The following FSTL4 variants were observed in gnomAD, a reference collection of about 807,000 sequenced individuals.
FSTL4 encodes the protein follistatin like 4.
In FSTL4, 28 loss-of-function variants were observed where a neutral mutation model predicts 78.2. That is an observed-to-expected ratio of 0.36 (90% CI 0.27 to 0.49). The LOEUF (loss-of-function observed/expected upper bound fraction) is 0.49. FSTL4 is among the 20% of genes least tolerant of loss of function. The probability of loss-of-function intolerance (pLI) is 0.98; values close to 1 mark genes in which losing one functional copy is unlikely to be tolerated. For synonymous variants in FSTL4, 422 were observed against 440.5 expected, an observed-to-expected ratio of 0.96 and a Z score of 0.53; for missense variants, 922 against 1,084.9, an observed-to-expected ratio of 0.85 and a Z score of 2.11.
At chr5:133,294,372 C>T (rs961221574) in intron 6 of FSTL4, among the ~76,000 whole-genome samples, 1 of 152,158 alleles carries the variant, frequency 6.6e-6, no homozygotes, top group African/African-American at 2.4e-5. Flanking sequence ...GCCTCCGTTC[C>T]TCTTCTGTAA....
At chr5:133,437,395 C>T (rs899637327) in intron 3 of FSTL4, among the ~76,000 whole-genome samples, 2 of 151,270 alleles carry the variant, frequency 1.3e-5, no homozygotes, top group African/African-American at 4.9e-5. Flanking sequence ...CACAGGATTG[C>T]TCATTTAATC....
In FSTL4 at chr5:133,199,776, C is replaced by T; in HGVS notation, c.1848G>A (p.Lys616=). The T allele has an allele frequency of 6.4e-7, 1 of 1,554,562 alleles. No individual in the cohort carries two copies. Among genetic ancestry groups the T allele is most frequent in the Admixed American group, 1.9e-5 (1 of 51,812 alleles). Residue 616 remains lysine (K), a synonymous_variant, in exon 16 of 16, where the codon AAG becomes AAA. Transcript: ENST00000265342. The surrounding 1 kb of genome is among the most constrained non-coding windows in gnomAD (Gnocchi z 4.4). ...CCACCTTGTGGACTGCAGGATCAGACTTGTTGAAGATGAAGCCAAACCTGG... is the reference window on the plus strand; with the variant it reads ...CCACCTTGTGGACTGCAGGATCAGATTTGTTGAAGATGAAGCCAAACCTGG... ...NHIRFGFIFN[K]SDPAVHKVDL... is the part of the protein sequence containing the mutation.
rs1268360062 is a variant in FSTL4 at position 133,338,920 on chromosome 5, T to C, written c.410-22268A>G. Reference sequence around the variant, plus strand: ...ACCTCTGCTGTAGTTCAGGAAGCCATTAACACCCCCGGATGACCACTATGC... The same window carrying C: ...ACCTCTGCTGTAGTTCAGGAAGCCACTAACACCCCCGGATGACCACTATGC... On this transcript the variant is annotated intron_variant, in intron 4 of 15. Coordinates refer to ENST00000265342, the MANE Select transcript of FSTL4 (RefSeq NM_015082.2). This position sits in a 1 kb window ranked among gnomAD's most constrained non-coding sequence, Gnocchi z 4.0. 6.6e-6 allele frequency among the ~76,000 whole-genome samples: 1 copy of C among 152,048 alleles called. No homozygotes were observed. The highest frequency in any genetic ancestry group is 2.4e-5 in the African/African-American group (1 of 41,394).
chr5:133,456,820 G>A (rs1757503160), intron 3 of FSTL4, among the ~76,000 whole-genome samples: 1 of 152,220 alleles, frequency 6.6e-6, no homozygotes, highest in African/African-American at 2.4e-5. Context: ...TCTGTGACAT[G>A]AATGGTTCTG....
chr5:133,594,520 C>T (rs1010630499), intron 2 of FSTL4, among the ~76,000 whole-genome samples: 1 of 152,160 alleles, frequency 6.6e-6, no homozygotes, highest in Admixed American at 6.5e-5. Flanking sequence ...TCTTCAAATG[C>T]TAATATGAGA....
At chr5:133,504,628 C>T (rs986612943) in intron 3 of FSTL4, among the ~76,000 whole-genome samples, 2 of 152,202 alleles carry the variant, frequency 1.3e-5, no homozygotes, top group African/African-American at 4.8e-5. Flanking sequence ...TACTGCATTA[C>T]CTTGTCCCAT....
At chr5:133,799,540 A>G in the FSTL4 span, among the ~76,000 whole-genome samples, 2 of 138,496 alleles carry the variant, frequency 1.4e-5, 1 homozygote, top group African/African-American at 5.3e-5. Context: ...CACGCTAGGT[A>G]CAGGGCTCTG....
At chr5:133,573,827 G>C (rs1034621203) in intron 2 of FSTL4, among the ~76,000 whole-genome samples, 19 of 152,184 alleles carry the variant, frequency 1.2e-4, no homozygotes, top group African/African-American at 4.6e-4. Context: ...CCATAAGCAA[G>C]TTTAAACACA....
At chr5:133,664,310 C>CT in the FSTL4 span, among the ~76,000 whole-genome samples, 98 of 146,862 alleles carry the variant, frequency 6.7e-4, 1 homozygote, top group South Asian at 0.018. Flanking sequence ...CCTGCTGATT[C>CT]TTTTTTTTTT....
chr5:133,712,019 C>T, the FSTL4 span, among the ~76,000 whole-genome samples: 3,645 of 152,232 alleles, frequency 0.024, 159 homozygotes, highest in African/African-American at 0.082. Context: ...AATACCCCGC[C>T]CAGGGCTTTG....
the FSTL4 span, among the ~76,000 whole-genome samples, chr5:133,797,519 G>T: frequency 6.6e-6 from 1 of 152,172 alleles, no homozygotes; most frequent in Non-Finnish European, 1.5e-5. Context: ...TAGCATTAAT[G>T]CTGGTCAGTT....
chr5:133,773,955 A>G, the FSTL4 span, among the ~76,000 whole-genome samples: 1 of 152,186 alleles, frequency 6.6e-6, no homozygotes, highest in Non-Finnish European at 1.5e-5. Flanking sequence ...GTCATGGCAT[A>G]TGATGGAGTG....
intron 4 of FSTL4, among the ~76,000 whole-genome samples, chr5:133,320,697 C>G (rs1754024820): frequency 6.6e-6 from 1 of 152,124 alleles, no homozygotes; most frequent in Non-Finnish European, 1.5e-5. Context: ...TTCTGATCTT[C>G]CTCCTATTCT....
At chr5:133,315,393 CTG>C (rs1251085435) in intron 5 of FSTL4, among the ~76,000 whole-genome samples, 1 of 152,216 alleles carries the variant, frequency 6.6e-6, no homozygotes, top group Non-Finnish European at 1.5e-5. Context: ...ACGAACTCTT[CTG>C]TGTTTATTAA....
intron 2 of FSTL4, among the ~76,000 whole-genome samples, chr5:133,574,429 A>G (rs1760230802): frequency 6.6e-6 from 1 of 152,230 alleles, no homozygotes; most frequent in Non-Finnish European, 1.5e-5. Context: ...TGGAGACAGT[A>G]GTGATAAAGG....
intron 6 of FSTL4, among the ~76,000 whole-genome samples, chr5:133,261,703 A>T (rs928461484): frequency 2.6e-5 from 4 of 152,130 alleles, no homozygotes; most frequent in African/African-American, 9.7e-5. Context: ...TAAAAATACA[A>T]AAATTAGCTG....
chr5:133,600,421 A>AGGG (rs35678803), intron 2 of FSTL4, among the ~76,000 whole-genome samples: 251 of 146,584 alleles, frequency 1.7e-3, no homozygotes, highest in African/African-American at 6.0e-3. Flanking sequence ...TGTAGGATAA[A>AGGG]GGGGGGGGGG....
intron 8 of FSTL4, among the ~76,000 whole-genome samples, chr5:133,227,712 A>C (rs1751377691): frequency 6.6e-6 from 1 of 152,226 alleles, no homozygotes; most frequent in Non-Finnish European, 1.5e-5. Flanking sequence ...GAATCAATGG[A>C]GACAGAAGCA....
intron 6 of FSTL4, among the ~76,000 whole-genome samples, chr5:133,296,587 C>G (rs905850064): frequency 6.6e-6 from 1 of 152,184 alleles, no homozygotes; most frequent in Non-Finnish European, 1.5e-5. Context: ...CCAGTGACTG[C>G]GTGGCGAGTG....
Sources: gnomAD v4.1 joint callset for allele counts (sites outside exome capture counted in the v4.1 genomes callset) on GRCh38, gnomAD v4.1.1 for gene constraint, Gnocchi (gnomAD v3.1) non-coding constraint, MANE v1.5 for transcripts, NCBI Gene and HGNC (gene_info 2026-07-23, HGNC 2026-07-21) for gene names.